ATP8B4: variants seen among roughly 807,000 people sequenced by gnomAD.
ATP8B4 encodes the protein probable phospholipid-transporting ATPase IM.
ATP8B4 carries 133 observed loss-of-function variants against 145.6 expected under a neutral mutation model. The ratio of observed to expected loss-of-function variants is 0.91; its 90% confidence interval spans 0.79 to 1.05. The LOEUF is 1.05. Ranked by LOEUF, ATP8B4 falls within the 50% of genes least tolerant of loss-of-function variation. The pLI, the probability that ATP8B4 is intolerant of heterozygous loss-of-function variation, is 0.00. For synonymous variants in ATP8B4, 507 were observed against 492.9 expected, an observed-to-expected ratio of 1.03 and a Z score of -0.38; for missense variants, 1,458 against 1,425.2, an observed-to-expected ratio of 1.02 and a Z score of -0.37.
intron 20 of ATP8B4, among the ~76,000 whole-genome samples, chr15:49,905,295 A>T (rs1290816653): frequency 6.6e-6 from 1 of 152,208 alleles, no homozygotes; most frequent in Non-Finnish European, 1.5e-5. Flanking sequence ...AATAGCTACT[A>T]TTGTTCAGAT....
At chr15:49,932,393 G>T (rs1168583247) in intron 15 of ATP8B4, among the ~76,000 whole-genome samples, 1 of 151,772 alleles carries the variant, frequency 6.6e-6, no homozygotes, top group Non-Finnish European at 1.5e-5. Flanking sequence ...GTATTGTATT[G>T]TTCCACTTAA....
intron 1 of ATP8B4, among the ~76,000 whole-genome samples, chr15:50,152,069 A>G (rs1265558966): frequency 6.6e-6 from 1 of 152,152 alleles, no homozygotes; most frequent in African/African-American, 2.4e-5. Context: ...TCTATTGATT[A>G]GCAGTTTCAT....
chr15:50,045,730 G>A (rs2153607164), intron 4 of ATP8B4, among the ~76,000 whole-genome samples: 1 of 152,232 alleles, frequency 6.6e-6, no homozygotes, highest in Middle Eastern at 3.4e-3. Context: ...ATCTCTCTGG[G>A]TCTAATTTCT....
chr15:50,086,611 A>G (rs1375064987), intron 2 of ATP8B4, among the ~76,000 whole-genome samples: 1 of 117,146 alleles, frequency 8.5e-6, no homozygotes, highest in Non-Finnish European at 1.6e-5. Context: ...TATTTATTAT[A>G]TATAATAAAA....
chr15:49,889,648 T>C (rs2036584506), intron 23 of ATP8B4, among the ~76,000 whole-genome samples: 1 of 152,170 alleles, frequency 6.6e-6, no homozygotes, highest in Non-Finnish European at 1.5e-5. Flanking sequence ...TGCCTACACA[T>C]GTGCCCCAGC....
At chr15:50,048,410 TA>T (rs2153609959) in intron 3 of ATP8B4, among the ~76,000 whole-genome samples, 1 of 152,152 alleles carries the variant, frequency 6.6e-6, no homozygotes, top group East Asian at 1.9e-4. Context: ...TACATGCTAA[TA>T]AGAAGGGCAA....
At chr15:49,914,135 G>A (rs1466587788) in intron 20 of ATP8B4, among the ~76,000 whole-genome samples, 4 of 151,966 alleles carry the variant, frequency 2.6e-5, no homozygotes, top group Non-Finnish European at 5.9e-5. Flanking sequence ...AGACACATAG[G>A]CCAATGGAAC....
At chr15:50,069,403 G>A (rs1397365193) in intron 3 of ATP8B4, among the ~76,000 whole-genome samples, 1 of 152,122 alleles carries the variant, frequency 6.6e-6, no homozygotes, top group East Asian at 1.9e-4. Context: ...AGGTTCTCGA[G>A]GTATTGAAGT....
chr15:50,159,249 A>C (rs1271094940), intron 1 of ATP8B4, among the ~76,000 whole-genome samples: 1 of 151,918 alleles, frequency 6.6e-6, no homozygotes, highest in Non-Finnish European at 1.5e-5. Flanking sequence ...ATTTTATTTT[A>C]TTTGTAGCAA....
At chr15:49,902,618 G>C (rs1159326953) in intron 20 of ATP8B4, among the ~76,000 whole-genome samples, 1 of 152,228 alleles carries the variant, frequency 6.6e-6, no homozygotes, top group Admixed American at 6.5e-5. Context: ...AGAGTGCTAT[G>C]TGTGAAATTT....
At chr15:50,157,109 T>G (rs1325948016) in intron 1 of ATP8B4, among the ~76,000 whole-genome samples, 1 of 152,170 alleles carries the variant, frequency 6.6e-6, no homozygotes, top group East Asian at 1.9e-4. Context: ...ACAAGTAAAT[T>G]TACCAGAAAA....
At chr15:50,078,488 G>C (rs113504906) in intron 2 of ATP8B4, among the ~76,000 whole-genome samples, 2 of 151,716 alleles carry the variant, frequency 1.3e-5, no homozygotes, top group East Asian at 3.9e-4. Flanking sequence ...CAAGACGAAA[G>C]AACAGATTGG....
At chr15:50,021,939 T>A (rs1388825067) in intron 6 of ATP8B4, among the ~76,000 whole-genome samples, 1 of 152,170 alleles carries the variant, frequency 6.6e-6, no homozygotes, top group African/African-American at 2.4e-5. Flanking sequence ...AGTAATAGTT[T>A]CACAAGGCTA....
chr15:49,965,570 G>A (rs1277838476), intron 13 of ATP8B4, among the ~76,000 whole-genome samples: 4 of 152,172 alleles, frequency 2.6e-5, no homozygotes, highest in South Asian at 4.1e-4. Context: ...GCCAAATGTA[G>A]AGCATGTATT....
intron 1 of ATP8B4, among the ~76,000 whole-genome samples, chr15:50,143,164 T>C (rs1453632718): frequency 1.3e-5 from 2 of 152,212 alleles, no homozygotes; most frequent in Admixed American, 6.5e-5. Flanking sequence ...AGAGGCTTGA[T>C]GTTGTATTAT....
intron 13 of ATP8B4, among the ~76,000 whole-genome samples, chr15:49,970,571 C>A (rs539837898): frequency 6.6e-6 from 1 of 152,070 alleles, no homozygotes; most frequent in African/African-American, 2.4e-5. Flanking sequence ...ACAAGGAATG[C>A]GAAGGACCTT....
chr15:50,032,818 G>T (rs2050551543), intron 6 of ATP8B4, among the ~76,000 whole-genome samples: 1 of 152,084 alleles, frequency 6.6e-6, no homozygotes, highest in South Asian at 2.1e-4. Context: ...AAAAAAGACA[G>T]AGAGGAAATA....
chr15:50,024,461 G>C (rs1251386116), intron 6 of ATP8B4, among the ~76,000 whole-genome samples: 1 of 152,184 alleles, frequency 6.6e-6, no homozygotes, highest in Non-Finnish European at 1.5e-5. Flanking sequence ...AGCCAGATGA[G>C]CATTTGATTT....
At chr15:50,092,807 T>C (rs965181222) in intron 2 of ATP8B4, among the ~76,000 whole-genome samples, 3 of 151,966 alleles carry the variant, frequency 2.0e-5, no homozygotes, top group Non-Finnish European at 4.4e-5. Flanking sequence ...GATCTGAGGA[T>C]ATTCTGACTG....
Sources: allele counts gnomAD v4.1 joint callset (sites outside exome capture counted in the v4.1 genomes callset), GRCh38; gene constraint gnomAD v4.1.1; transcripts MANE v1.5; gene names NCBI Gene and HGNC (gene_info 2026-07-23, HGNC 2026-07-21).